ROBO2: variants seen among roughly 807,000 people sequenced by gnomAD.
The protein encoded by ROBO2 is roundabout homolog 2.
A neutral mutation model predicts 160.8 loss-of-function variants in ROBO2; 53 were observed. The observed-to-expected ratio is 0.33, with a 90% CI of 0.26 to 0.41. The LOEUF is 0.41. Ranked by LOEUF, ROBO2 falls within the 10% of genes least tolerant of loss-of-function variation. The pLI is 1.00. For missense variants in ROBO2, 1,577 were observed against 1,722.4 expected (o/e 0.92, Z 1.49); for synonymous variants, 664 against 611.7 (o/e 1.09, Z -1.26).
chr3:76,988,672 G>C (rs996127741), intron 2 of ROBO2, among the ~76,000 whole-genome samples: 1 of 151,976 alleles, frequency 6.6e-6, no homozygotes, highest in Non-Finnish European at 1.5e-5. Context: ...TAATACCACT[G>C]TTATTCCCAG....
chr3:77,118,930 AT>A (rs931665592), intron 2 of ROBO2, among the ~76,000 whole-genome samples: 2 of 152,094 alleles, frequency 1.3e-5, no homozygotes, highest in African/African-American at 4.8e-5. Flanking sequence ...ATTTGATATG[AT>A]TTGGCTCTGT....
chr3:76,120,688 T>C (rs1313448374), intron 2 of ROBO2, among the ~76,000 whole-genome samples: 1 of 152,170 alleles, frequency 6.6e-6, no homozygotes, highest in African/African-American at 2.4e-5. Context: ...TTGTTGGCCA[T>C]CTAAGAATCT....
chr3:76,664,171 G>A (rs1176064095), intron 2 of ROBO2, among the ~76,000 whole-genome samples: 1 of 152,174 alleles, frequency 6.6e-6, no homozygotes, highest in African/African-American at 2.4e-5. Context: ...TGTAAAAGGG[G>A]TTGATAAAGA....
intron 9 of ROBO2, among the ~76,000 whole-genome samples, chr3:77,561,914 A>G (rs1055520392): frequency 1.3e-4 from 20 of 151,894 alleles, no homozygotes; most frequent in African/African-American, 4.8e-4. Context: ...GACCAGCCTG[A>G]CCAACATGGA....
Position 76,173,309 on chromosome 3 carries a change from AACAT to A in ROBO2, c.109+235713_109+235716del, listed in dbSNP as rs903367454. ...GTATCAAATTCAGATAAGTCTATCT[AACAT>A]ACATAAAATACATGCTAATTATTTA... On this transcript the variant is annotated intron_variant, in intron 2 of 26. Transcript: ENST00000487694. 1.5e-3 allele frequency among the ~76,000 whole-genome samples: 229 copies of A among 152,114 alleles called. 1 individual carries two copies. The highest frequency in any genetic ancestry group is 5.1e-3 in the African/African-American group (213 of 41,474).
intron 2 of ROBO2, among the ~76,000 whole-genome samples, chr3:77,412,994 G>A (rs2076925409): frequency 6.6e-6 from 1 of 152,078 alleles, no homozygotes; most frequent in Non-Finnish European, 1.5e-5. Flanking sequence ...AGGCAGGAGG[G>A]TAGCTTGGGT....
At chr3:76,229,050 T>C (rs1410177419) in intron 2 of ROBO2, among the ~76,000 whole-genome samples, 1 of 152,162 alleles carries the variant, frequency 6.6e-6, no homozygotes, top group East Asian at 1.9e-4. Flanking sequence ...TAAGATATCT[T>C]AAATAAAATC....
At chr3:76,471,013 T>TAGCAAA (rs374497998) in intron 2 of ROBO2, among the ~76,000 whole-genome samples, 3,407 of 152,218 alleles carry the variant, frequency 0.022, 118 homozygotes, top group African/African-American at 0.076. Context: ...TTGTTTTTTA[T>TAGCAAA]TTGCTAGGTT....
intron 2 of ROBO2, among the ~76,000 whole-genome samples, chr3:77,185,977 A>G (rs2081246887): frequency 6.6e-6 from 1 of 151,970 alleles, no homozygotes; most frequent in Non-Finnish European, 1.5e-5. Context: ...TTGCTAAGCT[A>G]TGAGGATGCA....
intron 25 of ROBO2, 28 bp downstream of exon 27, chr3:77,644,932 A>C: frequency 6.2e-7 from 1 of 1,603,290 alleles, no homozygotes; most frequent in Non-Finnish European, 8.5e-7. Flanking sequence ...TTAAAAGGCT[A>C]TCGTGATTCA....
intron 2 of ROBO2, among the ~76,000 whole-genome samples, chr3:76,150,363 C>CACACATCATCTGTCTAAA (rs2072130455): frequency 7.7e-6 from 1 of 129,282 alleles, no homozygotes; most frequent in African/African-American, 3.8e-5. Flanking sequence ...CTGTCTAAAA[C>CACACATCATCTGTCTAAA]ACACATCTGT....
At chr3:76,833,578 G>T (rs976457714) in intron 2 of ROBO2, among the ~76,000 whole-genome samples, 1 of 152,168 alleles carries the variant, frequency 6.6e-6, no homozygotes, top group Non-Finnish European at 1.5e-5. Flanking sequence ...ACTAAACTTA[G>T]ACATGCTGGT....
At chr3:77,558,247 T>C (rs2093197302) in intron 9 of ROBO2, 98 bp downstream of exon 10, 2 of 947,492 alleles carry the variant, frequency 2.1e-6, no homozygotes, top group Admixed American at 1.8e-5. Flanking sequence ...CATCCTAGTA[T>C]AATTGCTGCA....
chr3:76,283,811 A>G (rs1007490598), intron 2 of ROBO2, among the ~76,000 whole-genome samples: 1 of 152,030 alleles, frequency 6.6e-6, no homozygotes, highest in African/African-American at 2.4e-5. Flanking sequence ...AAACAGCTCT[A>G]TGAAAGTTGA....
At chr3:77,579,846 T>C in intron 15 of ROBO2, 101 bp from the exon 17 acceptor site, 1 of 1,100,540 alleles carries the variant, frequency 9.1e-7, no homozygotes, top group Non-Finnish European at 1.4e-6. Context: ...GCCTAGAAGA[T>C]AGACAGGTTA....
intron 2 of ROBO2, among the ~76,000 whole-genome samples, chr3:76,293,344 G>C (rs1708901767): frequency 6.6e-6 from 1 of 152,196 alleles, no homozygotes; most frequent in Non-Finnish European, 1.5e-5. Flanking sequence ...CTGATGGAGA[G>C]GCACAGGCAG....
At chr3:77,544,578 G>A (rs1036832663) in intron 6 of ROBO2, among the ~76,000 whole-genome samples, 2 of 152,176 alleles carry the variant, frequency 1.3e-5, no homozygotes, top group Non-Finnish European at 2.9e-5. Flanking sequence ...CTTTTTCTAC[G>A]CTAGGATTCT....
intron 2 of ROBO2, among the ~76,000 whole-genome samples, chr3:76,408,446 A>G (rs1371817703): frequency 6.6e-6 from 1 of 152,140 alleles, no homozygotes; most frequent in African/African-American, 2.4e-5. Flanking sequence ...TTGTTCAAGA[A>G]TAGTGAATAA....
In ROBO2 at chr3:76,752,437, C is replaced by CAA. The variant is rs201647387; in HGVS notation, c.110-345566_110-345565dup. On this transcript the variant is annotated intron_variant, in intron 2 of 26. Coordinates refer to the ROBO2 transcript ENST00000487694. The stretch of plus-strand genomic sequence containing the variant: ...GTACCCTAGAACATAAAGTATAAAA[C>CAA]AAAAAAAAAAAAGAAAAAAAATGAT... Among the ~76,000 whole-genome samples, 14 of 125,676 alleles carry CAA rather than the reference C, an allele frequency of 1.1e-4. No homozygotes were observed. The South Asian group carries it at 2.0e-3, about 18-fold the overall frequency. The allele number at this position is 125,676 out of a possible 152,430, so 82.4% of individuals were successfully genotyped here.
Sources: gnomAD v4.1 joint callset for allele counts (sites outside exome capture counted in the v4.1 genomes callset) on GRCh38, gnomAD v4.1.1 for gene constraint, MANE v1.5 for transcripts, NCBI Gene and HGNC (gene_info 2026-07-23, HGNC 2026-07-21) for gene names.